ADGRL4: variants seen among roughly 807,000 people sequenced by gnomAD.
ADGRL4 encodes EGF, latrophilin and seven transmembrane domain containing 1.
Under a neutral mutation model 74.8 loss-of-function variants are expected in ADGRL4, and 90 were observed. The ratio of observed to expected loss-of-function variants is 1.20; its 90% CI spans 1.02 to 1.43. The LOEUF is 1.43. Among genes scored for constraint, ADGRL4 ranks in the 40% most tolerant of loss-of-function variants. The probability of loss-of-function intolerance (pLI) is 0.00; values close to 1 mark genes in which losing one functional copy is unlikely to be tolerated. For missense variants in ADGRL4, 881 were observed against 814.3 expected (o/e 1.08, Z -1.00); for synonymous variants, 311 against 279.2 (o/e 1.11, Z -1.14).
chr1:78,973,655 C>CAT (rs142719161), intron 2 of ADGRL4, among the ~76,000 whole-genome samples: 13,204 of 146,516 alleles, frequency 0.09, 791 homozygotes, highest in East Asian at 0.34. Context: ...ATAAGATAAT[C>CAT]ATATATATAT....
chr1:78,895,458 A>G (rs75165290), intron 12 of ADGRL4, among the ~76,000 whole-genome samples: 1,913 of 152,076 alleles, frequency 0.013, 37 homozygotes, highest in African/African-American at 0.043. Flanking sequence ...ACTGTGATAA[A>G]TGCTATTAAT....
chr1:78,908,741 A>G (rs1013014226), intron 12 of ADGRL4, among the ~76,000 whole-genome samples: 10 of 152,002 alleles, frequency 6.6e-5, no homozygotes, highest in Non-Finnish European at 1.3e-4. Flanking sequence ...AATACTAGCG[A>G]TGAATCTCAT....
chr1:78,936,855 T>G (rs1427949446), intron 6 of ADGRL4, among the ~76,000 whole-genome samples: 2 of 152,176 alleles, frequency 1.3e-5, no homozygotes, highest in East Asian at 1.9e-4. Flanking sequence ...CACCTATATA[T>G]TAGTCATAAT....
chr1:78,979,981 T>C (rs1010591169), intron 2 of ADGRL4, among the ~76,000 whole-genome samples: 2 of 151,888 alleles, frequency 1.3e-5, no homozygotes, highest in African/African-American at 4.8e-5. Context: ...CAGAAATCAC[T>C]GCTAAAGAAC....
chr1:78,995,348 C>T (rs1031506628), intron 2 of ADGRL4, among the ~76,000 whole-genome samples: 1 of 152,150 alleles, frequency 6.6e-6, no homozygotes, highest in African/African-American at 2.4e-5. Context: ...ATGGAAAAAA[C>T]GCTTCCTTTA....
intron 7 of ADGRL4, 90 bp from the exon 8 acceptor site, chr1:78,927,181 A>G: frequency 1.2e-6 from 1 of 832,758 alleles, no homozygotes; most frequent in South Asian, 1.7e-5. Context: ...GAATAGACAA[A>G]CATTTTACTT....
At chr1:79,002,758 A>G (rs1439290622) in intron 2 of ADGRL4, among the ~76,000 whole-genome samples, 5 of 152,174 alleles carry the variant, frequency 3.3e-5, no homozygotes, top group Admixed American at 3.3e-4. Context: ...CTCAGAGGAG[A>G]GTAGATATTA....
intron 6 of ADGRL4, 117 bp from the exon 7 acceptor site, chr1:78,936,528 C>T: frequency 1.1e-6 from 1 of 916,964 alleles, no homozygotes; most frequent in South Asian, 1.8e-5. Context: ...TTATTTATAA[C>T]AAGTAGAGTG....
At chr1:78,997,733 C>G (rs528503873) in intron 2 of ADGRL4, among the ~76,000 whole-genome samples, 1 of 152,080 alleles carries the variant, frequency 6.6e-6, no homozygotes, top group African/African-American at 2.4e-5. Context: ...ACTGGACTAT[C>G]TTTAAATGAC....
intron 12 of ADGRL4, among the ~76,000 whole-genome samples, chr1:78,898,820 T>C (rs1648454566): frequency 6.6e-6 from 1 of 152,166 alleles, no homozygotes; most frequent in Non-Finnish European, 1.5e-5. Flanking sequence ...TTTCATGTAT[T>C]TCAAAGCTTA....
In ADGRL4 at chr1:78,937,862, C is replaced by A. The variant is rs773910438; in HGVS notation, c.705G>T (p.Arg235Ser). The part of the protein sequence containing the change: ...LMHTVEQATL[R>S]ISQSFQKTTE... ...TGGTCTTTTGGAAGCTCTGGGATAT[C>A]CTTAAAGTAGCTTGTTCAACAGTGT... is the stretch of plus-strand genomic sequence containing the variant. The change falls in exon 6 of 15, where the codon AGG (arginine) becomes AGT (serine). Residue 235 changes from arginine (R) to serine (S), a missense_variant. Arg to Ser is a moderately radical substitution (Grantham distance 110, BLOSUM62 -1). Transcript: ENST00000370742. The A allele has an allele frequency of 6.2e-7, 1 of 1,613,934 alleles. No individual in the cohort carries two copies. Among genetic ancestry groups the A allele is most frequent in the South Asian group, 1.1e-5 (1 of 91,064 alleles).
At chr1:78,993,569 T>G (rs898333970) in intron 2 of ADGRL4, among the ~76,000 whole-genome samples, 1 of 89,510 alleles carries the variant, frequency 1.1e-5, no homozygotes, top group Admixed American at 1.0e-4. Context: ...AAGCAAAAAT[T>G]CCATTTTTTT....
At chr1:78,988,587 G>A (rs1037059636) in intron 2 of ADGRL4, among the ~76,000 whole-genome samples, 1 of 151,772 alleles carries the variant, frequency 6.6e-6, no homozygotes. Context: ...ATACTACACT[G>A]ATGAATGCCT....
At chr1:78,927,414 C>T (rs905447825) in intron 7 of ADGRL4, among the ~76,000 whole-genome samples, 46 of 152,144 alleles carry the variant, frequency 3.0e-4, no homozygotes, top group Non-Finnish European at 3.4e-4. Flanking sequence ...AGTGTATTCA[C>T]TTGAATAACA....
chr1:78,987,891 C>T (rs1650530077), intron 2 of ADGRL4, among the ~76,000 whole-genome samples: 1 of 151,494 alleles, frequency 6.6e-6, no homozygotes, highest in East Asian at 1.9e-4. Flanking sequence ...AATCTTATTG[C>T]TCTATTGTCT....
chr1:78,920,853 C>CT (rs1233549954), intron 9 of ADGRL4, among the ~76,000 whole-genome samples: 15 of 151,704 alleles, frequency 9.9e-5, no homozygotes, highest in Non-Finnish European at 2.9e-5. Flanking sequence ...TGTTCAGAAA[C>CT]TTTGAAATAG....
chr1:78,996,453 A>C (rs969602208), intron 2 of ADGRL4, among the ~76,000 whole-genome samples: 1 of 152,242 alleles, frequency 6.6e-6, no homozygotes, highest in Non-Finnish European at 1.5e-5. Flanking sequence ...GCAGGATATC[A>C]ATGGATATTC....
intron 12 of ADGRL4, among the ~76,000 whole-genome samples, chr1:78,900,221 A>G (rs1444726397): frequency 6.6e-6 from 1 of 152,080 alleles, no homozygotes; most frequent in African/African-American, 2.4e-5. Flanking sequence ...TAGTCCCACA[A>G]CTGCATGGAG....
At chr1:78,991,635 T>A (rs1650609258) in intron 2 of ADGRL4, among the ~76,000 whole-genome samples, 1 of 151,914 alleles carries the variant, frequency 6.6e-6, no homozygotes, top group Non-Finnish European at 1.5e-5. Context: ...TTGAAATATG[T>A]GAAAATATAA....
Sources: gnomAD v4.1 joint callset for allele counts (sites outside exome capture counted in the v4.1 genomes callset) on GRCh38, gnomAD v4.1.1 for gene constraint, MANE v1.5 for transcripts, NCBI Gene and HGNC (gene_info 2026-07-23, HGNC 2026-07-21) for gene names.